Variants in CCNI observed in about 807,000 individuals in gnomAD.
The protein encoded by CCNI is cyclin-I.
A neutral mutation model predicts 34.1 loss-of-function variants in CCNI; 14 were observed. The ratio of observed to expected loss-of-function variants is 0.41; its 90% CI spans 0.27 to 0.64. CCNI has a LOEUF of 0.64. Among genes scored for constraint, CCNI ranks in the 30% least tolerant of loss-of-function variants. The probability of loss-of-function intolerance (pLI) is 0.31; values close to 1 mark genes in which losing one functional copy is unlikely to be tolerated. For synonymous variants in CCNI, 154 were observed against 158.4 expected, an observed-to-expected ratio of 0.97 and a Z score of 0.21; for missense variants, 385 against 440.5, an observed-to-expected ratio of 0.87 and a Z score of 1.13.
chr4:77,073,011 G>A (rs901495856), intron 1 of CCNI, among the ~76,000 whole-genome samples: 15 of 152,140 alleles, frequency 9.9e-5, no homozygotes, highest in African/African-American at 2.9e-4. Flanking sequence ...CACATTTTGA[G>A]TTGAATTAAT....
In CCNI at chr4:77,056,122, A is replaced by ACAGG; in HGVS notation, c.319-24_319-21dup. ...AATTCTCTATCCAAAGCAAAGGGGA[A>ACAGG]CAGGGACAGGGAGAAAAGGACAGAA... On this transcript the variant is annotated intron_variant, in intron 4 of 6. Coordinates refer to ENST00000237654, the MANE Select transcript of CCNI (RefSeq NM_006835.3). 6.2e-7 allele frequency: 1 copy of ACAGG among 1,609,618 alleles called. No individual in the cohort carries two copies. The highest frequency in any genetic ancestry group is 8.5e-7 in the Non-Finnish European group (1 of 1,177,796).
At chr4:77,061,130 T>C (rs898456440) in intron 2 of CCNI, among the ~76,000 whole-genome samples, 1 of 152,206 alleles carries the variant, frequency 6.6e-6, no homozygotes, top group Non-Finnish European at 1.5e-5. Context: ...TTATCATCAC[T>C]AGCCAAAACC....
intron 2 of CCNI, among the ~76,000 whole-genome samples, chr4:77,061,990 G>A (rs1164538439): frequency 6.6e-6 from 1 of 152,004 alleles, no homozygotes; most frequent in African/African-American, 2.4e-5. Context: ...CTCTAACCTC[G>A]GACATCTTCC....
intron 1 of CCNI, among the ~76,000 whole-genome samples, chr4:77,071,108 T>G (rs938460766): frequency 6.6e-6 from 1 of 152,086 alleles, no homozygotes. Flanking sequence ...TTTTAGGGGG[T>G]TTAGATGGTA....
Position 77,052,971 on chromosome 4 carries a change from C to T in CCNI, c.690+2179G>A, listed in dbSNP as rs188677279. 3.3e-5 allele frequency among the ~76,000 whole-genome samples: 5 copies of T among 152,300 alleles called. No homozygotes were observed. In the East Asian group the frequency reaches 9.6e-4, roughly 29 times the overall value. ...ACTTCCCCACTGCAATTATATACTA[C>T]ATGGGGCATATCTCTTAAAAAGAAA... On this transcript the variant is annotated intron_variant, in intron 6 of 6. Coordinates refer to ENST00000237654, the MANE Select transcript of CCNI (RefSeq NM_006835.3).
chr4:77,059,461 T>C (rs1476543740), intron 2 of CCNI, among the ~76,000 whole-genome samples: 1 of 151,592 alleles, frequency 6.6e-6, no homozygotes, highest in Non-Finnish European at 1.5e-5. Context: ...AAATAATATG[T>C]AGGAAGATTA....
chr4:77,066,156 A>G (rs928969444), intron 2 of CCNI, 93 bp downstream of exon 2: 68 of 1,025,038 alleles, frequency 6.6e-5, no homozygotes, highest in Admixed American at 1.0e-4. Context: ...AATGGTACAC[A>G]CTCCTCCAAT....
chr4:77,067,790 TAAAAAAAAAAAAAAAA>T (rs375815113), intron 1 of CCNI, among the ~76,000 whole-genome samples: 7 of 98,686 alleles, frequency 7.1e-5, no homozygotes, highest in Non-Finnish European at 1.2e-4. Flanking sequence ...CTTCTAGGTT[TAAAAAAAAAAAAAAAA>T]AAAAAAAAAA....
rs1191233957 is a variant in CCNI at position 77,048,341 on chromosome 4, T to C, written c.1012A>G (p.Lys338Glu). ...MEVDDFYDGI[K>E]RLYNEDNVSE... ...ACATTATCTTCATTATAGAGCCGTT[T>C]GATTCCATCATAGAAGTCATCCACT... is the stretch of plus-strand genomic sequence containing the variant. Residue 338 changes from lysine to glutamate, a missense_variant, in exon 7 of 7, where the codon AAA (lysine) becomes GAA (glutamate). Physicochemically the swap from Lys to Glu is moderately conservative, Grantham distance 56. Around this residue, in one of 2 missense-constraint regions of CCNI, gnomAD observed 250 missense variants for 248.7 expected, o/e 1.01. Transcript: ENST00000237654. 18 of 1,614,086 alleles carry C rather than the reference T, an allele frequency of 1.1e-5. No individual in the cohort carries two copies. The highest frequency in any genetic ancestry group is 1.4e-5 in the Non-Finnish European group (17 of 1,180,024).
intron 3 of CCNI, 78 bp from the exon 4 acceptor site, chr4:77,056,401 C>T (rs895881979): frequency 2.0e-6 from 2 of 1,012,646 alleles, no homozygotes; most frequent in Non-Finnish European, 1.6e-6. Context: ...GTTTTAAAAA[C>T]CTAGATATGC....
Position 77,056,683 on chromosome 4 carries a change from G to C in CCNI, c.244-360C>G, listed in dbSNP as rs1004520943. Reference sequence around the variant, plus strand: ...CAGCTCAGTGCAAGCTCCGCCTCCTGGGTTCATGCCATTCTCCTGCCTCAG... The same window carrying C: ...CAGCTCAGTGCAAGCTCCGCCTCCTCGGTTCATGCCATTCTCCTGCCTCAG... On this transcript the variant is annotated intron_variant, in intron 3 of 6. Transcript: ENST00000237654. Among the ~76,000 whole-genome samples, 19 of 150,028 alleles carry C rather than the reference G, an allele frequency of 1.3e-4. No individual in the cohort carries two copies. In the Middle Eastern group the frequency reaches 0.01, roughly 83 times the overall value.
rs1729851429 is a variant in CCNI at position 77,075,458 on chromosome 4, C to CTA, written c.-44+13_-44+14insTA. ...GAGACGCGTCGAGCCCCCGCCCCCG[C>CTA]CCCCGCCCCTCACCTTCTCCTCCTC... On this transcript the variant is annotated intron_variant, in intron 1 of 6. Coordinates refer to ENST00000237654, the MANE Select transcript of CCNI (RefSeq NM_006835.3). The CTA allele has an allele frequency of 1.8e-5, 9 of 507,752 alleles. No individual in the cohort carries two copies. The East Asian group carries it at 6.1e-4, about 34-fold the overall frequency. 31.5% of individuals were successfully genotyped at this position (507,752 alleles called of 1,614,324 possible).
Position 77,058,444 on chromosome 4 carries a change from C to T in CCNI, c.243+63G>A, listed in dbSNP as rs1030393007. On this transcript the variant is annotated intron_variant, in intron 3 of 6. Transcript: ENST00000237654. ...TACCTTACAGAATGTTCACTAATAG[C>T]CTCTAGTTTAGCATACATACACTCA... The T allele has an allele frequency of 1.5e-5, 19 of 1,309,452 alleles. No individual in the cohort carries two copies. The African/African-American group carries it at 2.7e-4, about 18-fold the overall frequency. 81.1% of individuals were successfully genotyped at this position (1,309,452 alleles called of 1,614,324 possible).
intron 4 of CCNI, 26 bp downstream of exon 4, chr4:77,056,223 A>G (rs758162996): frequency 1.8e-5 from 29 of 1,602,686 alleles, no homozygotes; most frequent in Non-Finnish European, 2.5e-5. Flanking sequence ...TCACGGAAGA[A>G]ACATTATCTT....
At chr4:77,055,939 T>C (rs1335293527) in intron 5 of CCNI, 23 bp downstream of exon 5, 1 of 1,580,588 alleles carries the variant, frequency 6.3e-7, no homozygotes, top group African/African-American at 1.4e-5. Context: ...AATAAGAAAC[T>C]AAAAGACTTC....
chr4:77,062,027 T>C (rs1025049436), intron 2 of CCNI, among the ~76,000 whole-genome samples: 3 of 152,200 alleles, frequency 2.0e-5, no homozygotes, highest in Admixed American at 1.3e-4. Flanking sequence ...AACTTCATGC[T>C]GTAATAGTAA....
chr4:77,065,719 A>G lies in CCNI; in HGVS notation c.114+530T>C, dbSNP rs111542831. ...ACCTAACTATTTTCCCAAAGCTGTA[A>G]CTCAGATAACAACAAAACAGGTCAA... On this transcript the variant is annotated intron_variant, in intron 2 of 6. Coordinates refer to ENST00000237654, the MANE Select transcript of CCNI (RefSeq NM_006835.3). 3.0e-3 allele frequency among the ~76,000 whole-genome samples: 462 copies of G among 152,346 alleles called. 2 individuals are homozygous for G. The highest frequency in any genetic ancestry group is 0.01 in the African/African-American group (434 of 41,592).
intron 3 of CCNI, 75 bp from the exon 4 acceptor site, chr4:77,056,398 A>G: frequency 9.5e-7 from 1 of 1,053,218 alleles, no homozygotes; most frequent in Middle Eastern, 2.3e-4. Flanking sequence ...ACTGTTTTAA[A>G]AACCTAGATA....
At chr4:77,074,361 C>T (rs2109859292) in intron 1 of CCNI, among the ~76,000 whole-genome samples, 1 of 152,274 alleles carries the variant, frequency 6.6e-6, no homozygotes, top group Admixed American at 6.5e-5. Flanking sequence ...ACATCTATTC[C>T]GTCCATTATT....
Sources: gnomAD v4.1 joint callset for allele counts (sites outside exome capture counted in the v4.1 genomes callset) on GRCh38, gnomAD v4.1.1 for gene constraint, gnomAD v4.1.1 regional missense constraint, MANE v1.5 for transcripts, NCBI Gene and HGNC (gene_info 2026-07-23, HGNC 2026-07-21) for gene names.